The following CRYL1 variants were observed in gnomAD, a reference collection of about 807,000 sequenced individuals.
CRYL1 encodes the protein lambda-crystallin homolog.
A neutral mutation model predicts 36.6 loss-of-function variants in CRYL1; 29 were observed. The ratio of observed to expected loss-of-function variants is 0.79; its 90% CI spans 0.59 to 1.08. The LOEUF (loss-of-function observed/expected upper bound fraction) is 1.08. Among genes scored for constraint, CRYL1 ranks in the 50% least tolerant of loss-of-function variants. The pLI, the probability that CRYL1 is intolerant of heterozygous loss-of-function variation, is 0.00. For synonymous variants in CRYL1, 152 were observed against 151.5 expected, an observed-to-expected ratio of 1.00 and a Z score of -0.02; for missense variants, 411 against 407.9, an observed-to-expected ratio of 1.01 and a Z score of -0.06.
intron 3 of CRYL1, among the ~76,000 whole-genome samples, chr13:20,442,248 G>A (rs751767620): frequency 4.6e-4 from 70 of 152,202 alleles, no homozygotes; most frequent in Non-Finnish European, 8.8e-4. Flanking sequence ...ACCTGAACCA[G>A]AGGAAACTCA....
intron 3 of CRYL1, among the ~76,000 whole-genome samples, chr13:20,447,522 C>A (rs998965971): frequency 2.6e-5 from 4 of 152,076 alleles, no homozygotes; most frequent in African/African-American, 9.7e-5. Flanking sequence ...CCACCACCCC[C>A]CCTCCCTAGG....
At chr13:20,483,266 A>G (rs1347808995) in intron 3 of CRYL1, among the ~76,000 whole-genome samples, 1 of 152,208 alleles carries the variant, frequency 6.6e-6, no homozygotes, top group Non-Finnish European at 1.5e-5. Flanking sequence ...GACACACTGA[A>G]CACACAAATC....
intron 1 of CRYL1, among the ~76,000 whole-genome samples, chr13:20,514,372 T>C (rs2033965587): frequency 6.6e-6 from 1 of 152,190 alleles, no homozygotes; most frequent in African/African-American, 2.4e-5. Flanking sequence ...CCAAAACCCA[T>C]AGCACCATTC....
intron 3 of CRYL1, among the ~76,000 whole-genome samples, chr13:20,455,973 A>G (rs1273442508): frequency 6.6e-6 from 1 of 152,232 alleles, no homozygotes; most frequent in Non-Finnish European, 1.5e-5. Flanking sequence ...AAAGATACAA[A>G]GATAAGTCAA....
At chr13:20,419,475 A>G (rs963830932) in intron 5 of CRYL1, among the ~76,000 whole-genome samples, 10 of 151,892 alleles carry the variant, frequency 6.6e-5, no homozygotes, top group Admixed American at 5.9e-4. Flanking sequence ...TATTTTTAGT[A>G]GAGACACAGT....
chr13:20,502,803 G>C (rs970496194), intron 2 of CRYL1, among the ~76,000 whole-genome samples: 1 of 152,162 alleles, frequency 6.6e-6, no homozygotes, highest in African/African-American at 2.4e-5. Context: ...ATCAAGGCCC[G>C]GTTAAAAAAT....
At chr13:20,431,072 T>C (rs2032047588) in intron 5 of CRYL1, 1 of 985,202 alleles carries the variant, frequency 1.0e-6, no homozygotes, top group African/African-American at 1.7e-5. Context: ...AGTCAGACAA[T>C]GTACCTAACG....
intron 2 of CRYL1, among the ~76,000 whole-genome samples, chr13:20,495,013 G>A (rs554752945): frequency 3.3e-4 from 51 of 152,338 alleles, no homozygotes; most frequent in South Asian, 1.2e-3. Flanking sequence ...AGGAGCTTCC[G>A]ACATCTGCAG....
intron 2 of CRYL1, among the ~76,000 whole-genome samples, chr13:20,506,962 C>T (rs1182581503): frequency 6.6e-6 from 1 of 152,116 alleles, no homozygotes; most frequent in Non-Finnish European, 1.5e-5. Context: ...ATCACAGGGG[C>T]AGGTGTTTCC....
intron 2 of CRYL1, among the ~76,000 whole-genome samples, chr13:20,490,824 G>A (rs2033496897): frequency 6.6e-6 from 1 of 152,090 alleles, no homozygotes; most frequent in Non-Finnish European, 1.5e-5. Flanking sequence ...CCTGTGCTGG[G>A]TTTACTGCTC....
intron 6 of CRYL1, among the ~76,000 whole-genome samples, chr13:20,412,058 C>G (rs950933135): frequency 1.3e-5 from 2 of 152,122 alleles, no homozygotes; most frequent in African/African-American, 4.8e-5. Flanking sequence ...TCTCAACCTC[C>G]CCTCTCGCAG....
At chr13:20,429,392 A>G (rs1301136359) in intron 5 of CRYL1, among the ~76,000 whole-genome samples, 1 of 152,198 alleles carries the variant, frequency 6.6e-6, no homozygotes, top group Non-Finnish European at 1.5e-5. Context: ...CCTGTGTTCA[A>G]CTGTGGTTTG....
chr13:20,408,786 T>G (rs1565954673), intron 6 of CRYL1, among the ~76,000 whole-genome samples: 1 of 151,802 alleles, frequency 6.6e-6, no homozygotes, highest in Non-Finnish European at 1.5e-5. Context: ...GGAATCCAAC[T>G]TACAAGGGAT....
At chr13:20,479,857 A>G (rs2033241377) in intron 3 of CRYL1, among the ~76,000 whole-genome samples, 1 of 152,198 alleles carries the variant, frequency 6.6e-6, no homozygotes, top group Admixed American at 6.5e-5. Context: ...AGCATTGAGT[A>G]TGTCAGTGTT....
rs369439890 is a variant in CRYL1 at position 20,432,250 on chromosome 13, G to C, written c.485C>G (p.Pro162Arg). 5 of 1,613,484 alleles carry C rather than the reference G, an allele frequency of 3.1e-6. No homozygotes were observed. The African/African-American group carries it at 6.7e-5, about 22-fold the overall frequency. The change falls in exon 5 of 8, where the codon CCG (proline) becomes CGG (arginine). Residue 162 changes from proline (P) to arginine (R), a missense_variant. Physicochemically the swap from Pro to Arg is moderately radical, Grantham distance 103 (BLOSUM62 -2). Transcript: ENST00000298248. ...GTCCACTGTCGTAGGGGCCGTCTCC[G>C]GGTGGGGGACCAGCTCAACCAGCGG... ...YIPLVELVPHPETAPTTVDRT... is the reference protein window; with the variant it reads ...YIPLVELVPHRETAPTTVDRT...
intron 5 of CRYL1, among the ~76,000 whole-genome samples, chr13:20,424,836 C>G (rs1593435140): frequency 6.6e-6 from 1 of 152,236 alleles, no homozygotes; most frequent in East Asian, 1.9e-4. Context: ...GCTCTGGAAG[C>G]CCCATCAGCG....
chr13:20,514,546 C>T (rs2033968127), intron 1 of CRYL1, among the ~76,000 whole-genome samples: 1 of 152,016 alleles, frequency 6.6e-6, no homozygotes, highest in South Asian at 2.1e-4. Flanking sequence ...AATTTGGTAT[C>T]CTAGAGGGGA....
At chr13:20,413,414 A>G (rs2031574256) in intron 5 of CRYL1, 27 bp from the exon 6 acceptor site, 2 of 1,465,770 alleles carry the variant, frequency 1.4e-6, no homozygotes, top group African/African-American at 2.8e-5. Context: ...GGCGGCATAG[A>G]TGAGTTTTGT....
At chr13:20,500,050 A>G (rs1048000867) in intron 2 of CRYL1, among the ~76,000 whole-genome samples, 2 of 152,354 alleles carry the variant, frequency 1.3e-5, no homozygotes, top group South Asian at 4.1e-4. Flanking sequence ...GATGTGAGAG[A>G]AAACTTCCAG....
Sources: gnomAD v4.1 joint callset for allele counts (sites outside exome capture counted in the v4.1 genomes callset) on GRCh38, gnomAD v4.1.1 for gene constraint, MANE v1.5 for transcripts, NCBI Gene and HGNC (gene_info 2026-07-23, HGNC 2026-07-21) for gene names.